The following ANKRD6 variants were observed in gnomAD, a reference collection of about 807,000 sequenced individuals.
The protein encoded by ANKRD6 is ankyrin repeat domain 6, also known as ankyrin repeat domain-containing protein 6.
Under a neutral mutation model 82.3 loss-of-function variants are expected in ANKRD6, and 56 were observed. The observed-to-expected ratio is 0.68, with a 90% CI of 0.55 to 0.85. ANKRD6 has a LOEUF of 0.85. Among genes scored for constraint, ANKRD6 ranks in the 40% least tolerant of loss-of-function variants. The probability of loss-of-function intolerance (pLI) is 0.00; values close to 1 mark genes in which losing one functional copy is unlikely to be tolerated. For missense variants in ANKRD6, 852 were observed against 907.6 expected (o/e 0.94, Z 0.79); for synonymous variants, 347 against 352.1 (o/e 0.99, Z 0.16).
chr6:89,460,116 G>C (rs183182424), intron 1 of ANKRD6, among the ~76,000 whole-genome samples: 1 of 149,468 alleles, frequency 6.7e-6, no homozygotes, highest in East Asian at 1.9e-4. Context: ...TGAGTATCCA[G>C]ACAGCCTTTT....
At chr6:89,567,735 A>G (rs1225273010) in intron 2 of ANKRD6, among the ~76,000 whole-genome samples, 1 of 152,238 alleles carries the variant, frequency 6.6e-6, no homozygotes, top group Non-Finnish European at 1.5e-5. Context: ...GATAGCAAGC[A>G]CTTATTGAGC....
At chr6:89,610,782 A>T (rs2128213298) in intron 5 of ANKRD6, among the ~76,000 whole-genome samples, 1 of 141,772 alleles carries the variant, frequency 7.1e-6, no homozygotes, top group South Asian at 2.4e-4. Context: ...AAACAAACGA[A>T]AAAGGAAAAA....
rs1770178998 is a variant in ANKRD6 at position 89,433,294 on chromosome 6, A to C, written c.-225A>C. 1 of 151,956 alleles carries C rather than the reference A, an allele frequency of 6.6e-6. No homozygotes were observed. Among genetic ancestry groups the C allele is most frequent in the South Asian group, 2.1e-4 (1 of 4,828 alleles). 9.4% of individuals were successfully genotyped at this position (151,956 alleles called of 1,614,324 possible). On this transcript the variant is annotated 5_prime_UTR_variant, in exon 1 of 16. Transcript: ENST00000339746. This position sits in a 1 kb window ranked among gnomAD's most constrained non-coding sequence, Gnocchi z 4.3. Reference sequence around the variant, plus strand: ...GGGGCCGCCGGAGCCAGCGGGAGCCAGTCCCCGTCTTCGCCCCTCGCCCCC... The same window carrying C: ...GGGGCCGCCGGAGCCAGCGGGAGCCCGTCCCCGTCTTCGCCCCTCGCCCCC...
intron 1 of ANKRD6, among the ~76,000 whole-genome samples, chr6:89,466,440 G>C (rs956260612): frequency 2.0e-5 from 3 of 152,146 alleles, no homozygotes; most frequent in Non-Finnish European, 4.4e-5. Context: ...AGCAATACAT[G>C]AGAATTTGTT....
chr6:89,504,463 G>T (rs1013284033), intron 1 of ANKRD6, among the ~76,000 whole-genome samples: 3 of 152,054 alleles, frequency 2.0e-5, no homozygotes, highest in Non-Finnish European at 2.9e-5. Flanking sequence ...GAGTGCAGTG[G>T]CACGATCATA....
chr6:89,600,597 A>T (rs1364967679), intron 3 of ANKRD6, among the ~76,000 whole-genome samples: 1 of 152,186 alleles, frequency 6.6e-6, no homozygotes, highest in East Asian at 1.9e-4. Context: ...CGTGAGCTGC[A>T]GTCGCGTGGT....
intron 1 of ANKRD6, among the ~76,000 whole-genome samples, chr6:89,537,221 G>A (rs867200064): frequency 6.6e-6 from 1 of 152,130 alleles, no homozygotes; most frequent in South Asian, 2.1e-4. Flanking sequence ...ACAATTTATG[G>A]TATATTACTT....
At chr6:89,579,832 G>C (rs1422970722) in intron 2 of ANKRD6, among the ~76,000 whole-genome samples, 2 of 147,742 alleles carry the variant, frequency 1.4e-5, no homozygotes, top group African/African-American at 2.5e-5. Context: ...AAAACTATCA[G>C]CTTTTTGGAG....
At chr6:89,553,364 GGT>G (rs929945690) in intron 1 of ANKRD6, among the ~76,000 whole-genome samples, 1 of 152,166 alleles carries the variant, frequency 6.6e-6, no homozygotes, top group Non-Finnish European at 1.5e-5. Flanking sequence ...CTGACTTGCA[GGT>G]GTCCTCCAGC....
At chr6:89,524,935 G>A (rs56230212) in intron 1 of ANKRD6, among the ~76,000 whole-genome samples, 13,809 of 151,672 alleles carry the variant, frequency 0.091, 843 homozygotes, top group South Asian at 0.19. Flanking sequence ...CAGGAGTAAG[G>A]TGGTATCTGA....
At chr6:89,462,979 C>T (rs943433137) in intron 1 of ANKRD6, among the ~76,000 whole-genome samples, 3 of 151,544 alleles carry the variant, frequency 2.0e-5, no homozygotes, top group Non-Finnish European at 4.4e-5. Context: ...CCTCCTGCCT[C>T]AGCTTCCCAA....
intron 7 of ANKRD6, among the ~76,000 whole-genome samples, chr6:89,615,262 C>G (rs757592663): frequency 6.6e-6 from 1 of 152,152 alleles, no homozygotes; most frequent in Non-Finnish European, 1.5e-5. Context: ...ATTAAGAATA[C>G]TGTTCCTGGA....
intron 1 of ANKRD6, among the ~76,000 whole-genome samples, chr6:89,438,230 C>G (rs772022310): frequency 4.1e-4 from 63 of 152,328 alleles, no homozygotes; most frequent in Non-Finnish European, 7.6e-4. Context: ...TAATCTAGCT[C>G]ACACAAGTCC....
rs565711698 is a variant in ANKRD6 at position 89,551,230 on chromosome 6, G to A, written c.-143-15604G>A. 8.5e-5 allele frequency among the ~76,000 whole-genome samples: 13 copies of A among 152,274 alleles called. No homozygotes were observed. In the South Asian group the frequency reaches 2.1e-3, roughly 24 times the overall value. On this transcript the variant is annotated intron_variant, in intron 1 of 15. Coordinates refer to ENST00000339746, the MANE Select transcript of ANKRD6 (RefSeq NM_001242809.2). ...GACTGAGCTTGAGCCCCCACCTATCGTCAGTAGCTGCATCTTTTCCTCACG... is the reference window on the plus strand; with the variant it reads ...GACTGAGCTTGAGCCCCCACCTATCATCAGTAGCTGCATCTTTTCCTCACG...
At chr6:89,519,089 A>C (rs1316887651) in intron 1 of ANKRD6, among the ~76,000 whole-genome samples, 2 of 152,128 alleles carry the variant, frequency 1.3e-5, no homozygotes, top group Non-Finnish European at 2.9e-5. Context: ...TTACCTCTTT[A>C]AAGACCCTCT....
At chr6:89,582,411 G>C (rs552202920) in intron 2 of ANKRD6, among the ~76,000 whole-genome samples, 1 of 152,146 alleles carries the variant, frequency 6.6e-6, no homozygotes, top group East Asian at 1.9e-4. Context: ...TGCTGGTCTT[G>C]AACTCCTGGG....
intron 1 of ANKRD6, among the ~76,000 whole-genome samples, chr6:89,490,050 C>T (rs911270584): frequency 6.6e-6 from 1 of 152,196 alleles, no homozygotes; most frequent in African/African-American, 2.4e-5. Flanking sequence ...ACCCAAGAGT[C>T]ACCTTTTATT....
chr6:89,492,393 A>G (rs916193229), intron 1 of ANKRD6, among the ~76,000 whole-genome samples: 2 of 152,178 alleles, frequency 1.3e-5, no homozygotes, highest in African/African-American at 2.4e-5. Flanking sequence ...AATGGCTCTT[A>G]ACACCGGGTG....
At chr6:89,463,860 A>G (rs1402309220) in intron 1 of ANKRD6, among the ~76,000 whole-genome samples, 1 of 152,146 alleles carries the variant, frequency 6.6e-6, no homozygotes, top group Non-Finnish European at 1.5e-5. Flanking sequence ...CAAAAATCTT[A>G]TTTTATAAAA....
Sources: allele counts gnomAD v4.1 joint callset (sites outside exome capture counted in the v4.1 genomes callset), GRCh38; gene constraint gnomAD v4.1.1; non-coding constraint Gnocchi (gnomAD v3.1); transcripts MANE v1.5; gene names NCBI Gene and HGNC (gene_info 2026-07-23, HGNC 2026-07-21).